The following NXPH2 variants were observed in gnomAD, a reference collection of about 807,000 sequenced individuals.
The protein encoded by NXPH2 is neurexophilin-2.
NXPH2 carries 5 observed loss-of-function variants against 19.8 expected under a neutral mutation model. That is an observed-to-expected ratio of 0.25 (90% CI 0.13 to 0.53). The LOEUF is 0.53. Among genes scored for constraint, NXPH2 ranks in the 20% least tolerant of loss-of-function variants. The probability of loss-of-function intolerance (pLI) is 0.96; values close to 1 mark genes in which losing one functional copy is unlikely to be tolerated. For synonymous variants in NXPH2, 154 were observed against 127.4 expected (o/e 1.21, Z -1.41); for missense variants, 289 against 322.8 (o/e 0.90, Z 0.80).
At chr2:138,704,436 G>A (rs1357441379) in intron 1 of NXPH2, among the ~76,000 whole-genome samples, 1 of 152,158 alleles carries the variant, frequency 6.6e-6, no homozygotes, top group Non-Finnish European at 1.5e-5. Flanking sequence ...GTTGATATTA[G>A]AACATTATTT....
chr2:138,771,493 A>C (rs1053543064), intron 1 of NXPH2, among the ~76,000 whole-genome samples: 1 of 152,118 alleles, frequency 6.6e-6, no homozygotes, highest in Non-Finnish European at 1.5e-5. Context: ...AAAAAAAATT[A>C]AACAGAAATC....
At chr2:138,702,715 A>C (rs1467772079) in intron 1 of NXPH2, among the ~76,000 whole-genome samples, 1 of 152,166 alleles carries the variant, frequency 6.6e-6, no homozygotes, top group Non-Finnish European at 1.5e-5. Flanking sequence ...ATACAGTACA[A>C]AATGTTGCTG....
chr2:138,716,631 G>A (rs1416012698), intron 1 of NXPH2, among the ~76,000 whole-genome samples: 5 of 152,202 alleles, frequency 3.3e-5, no homozygotes, highest in East Asian at 1.9e-4. Flanking sequence ...ACAGGTATTC[G>A]GTCCTTTTCT....
chr2:138,739,325 C>T (rs1681608286), intron 1 of NXPH2, among the ~76,000 whole-genome samples: 1 of 152,298 alleles, frequency 6.6e-6, no homozygotes, highest in Admixed American at 6.5e-5. Flanking sequence ...CATATATAAA[C>T]AACCACAGGA....
At chr2:138,739,342 A>C (rs933809516) in intron 1 of NXPH2, among the ~76,000 whole-genome samples, 1 of 152,198 alleles carries the variant, frequency 6.6e-6, no homozygotes. Context: ...AGGATTTAAA[A>C]CCAAAATTAT....
At chr2:138,685,537 C>T (rs1237971606) in intron 1 of NXPH2, among the ~76,000 whole-genome samples, 1 of 152,168 alleles carries the variant, frequency 6.6e-6, no homozygotes, top group Non-Finnish European at 1.5e-5. Flanking sequence ...GCATTTAATA[C>T]GCTTAACCTA....
chr2:138,670,437 G>A lies in NXPH2; in HGVS notation c.*485C>T, dbSNP rs1680396176. On this transcript the variant is annotated 3_prime_UTR_variant, in exon 2 of 2. Transcript: ENST00000272641. ...TATCAATAACAGCACAGATGGATGG[G>A]GGAAAAGATAGAAATATAAAAAAAA... Among the ~76,000 whole-genome samples the A allele has an allele frequency of 6.6e-6, 1 of 151,970 alleles. No homozygotes were observed. Among genetic ancestry groups the A allele is most frequent in the African/African-American group, 2.4e-5 (1 of 41,346 alleles).
At position 138,780,194 on chromosome 2, in the gene NXPH2, C is replaced by G; in HGVS notation, c.48G>C (p.Gln16His). Reference protein sequence around the residue: ...LPLVVVPGLLQLLFCDSKEVV... With the variant: ...LPLVVVPGLLHLLFCDSKEVV... The stretch of plus-strand genomic sequence containing the variant: ...GGCGCGCGGGCCGGGCACTCACCAG[C>G]TGCAGCAAGCCAGGGACCACCACGA... The change falls in exon 1 of 2, where the codon CAG (glutamine) becomes CAC (histidine). Residue 16 changes from glutamine (Q) to histidine (H), a missense_variant. Coordinates refer to ENST00000272641, the MANE Select transcript of NXPH2 (RefSeq NM_007226.3). 2.0e-6 allele frequency: 3 copies of G among 1,490,984 alleles called. No homozygotes were observed. Among genetic ancestry groups the G allele is most frequent in the Non-Finnish European group, 2.7e-6 (3 of 1,128,814 alleles). The allele number at this position is 1,490,984 out of a possible 1,614,324, so 92.4% of individuals were successfully genotyped here.
rs754687148 is a variant in NXPH2 at position 138,671,126 on chromosome 2, C to T, written c.591G>A (p.Ala197=). 4 of 1,613,916 alleles carry T rather than the reference C, an allele frequency of 2.5e-6. No individual in the cohort carries two copies. Among genetic ancestry groups the T allele is most frequent in the South Asian group, 1.1e-5 (1 of 91,072 alleles). ...CRIEYEKTDR[A]KKTALCNFDP... is the part of the protein sequence containing the mutation. The stretch of plus-strand genomic sequence containing the variant: ...CAAAGTTGCACAGGGCGGTCTTTTT[C>T]GCCCGATCTGTTTTTTCATACTCAA... Residue 197 remains alanine, a synonymous_variant, in exon 2 of 2, where the codon GCG becomes GCA. Coordinates refer to ENST00000272641, the MANE Select transcript of NXPH2 (RefSeq NM_007226.3).
At chr2:138,684,598 A>G (rs1680621199) in intron 1 of NXPH2, among the ~76,000 whole-genome samples, 1 of 152,208 alleles carries the variant, frequency 6.6e-6, no homozygotes, top group African/African-American at 2.4e-5. Flanking sequence ...AATCACTACA[A>G]GTAAAATCTA....
intron 1 of NXPH2, among the ~76,000 whole-genome samples, chr2:138,753,446 G>A (rs994645110): frequency 2.6e-5 from 4 of 152,074 alleles, no homozygotes; most frequent in Non-Finnish European, 5.9e-5. Flanking sequence ...ATTTCTCCAA[G>A]AAGCCTTAAT....
rs1178396766 is a variant in NXPH2, at chr2:138,670,887, C to A, written c.*35G>T. ...GTTTCTTTGTCATTCTAATCAAATA[C>A]ATATGTATCCCTCATTTCCACCACA... On this transcript the variant is annotated 3_prime_UTR_variant, in exon 2 of 2. Transcript: ENST00000272641. 1 of 1,584,024 alleles carries A rather than the reference C, an allele frequency of 6.3e-7. No individual in the cohort carries two copies. Among genetic ancestry groups the A allele is most frequent in the African/African-American group, 1.3e-5 (1 of 74,226 alleles).
chr2:138,740,601 T>C (rs1337100326), intron 1 of NXPH2, among the ~76,000 whole-genome samples: 1 of 152,198 alleles, frequency 6.6e-6, no homozygotes, highest in Non-Finnish European at 1.5e-5. Flanking sequence ...TAAACAGAGT[T>C]ATAATTATAT....
chr2:138,740,871 C>T (rs1325016365), intron 1 of NXPH2, among the ~76,000 whole-genome samples: 9 of 148,984 alleles, frequency 6.0e-5, no homozygotes, highest in Non-Finnish European at 1.3e-4. Flanking sequence ...AACTCTGCCA[C>T]AGAAATATGG....
At chr2:138,734,748 A>G (rs1310681593) in intron 1 of NXPH2, among the ~76,000 whole-genome samples, 1 of 152,204 alleles carries the variant, frequency 6.6e-6, no homozygotes, top group Non-Finnish European at 1.5e-5. Flanking sequence ...TGAAACCAGA[A>G]TGATTCCCAA....
chr2:138,716,704 T>C (rs750682346), intron 1 of NXPH2, among the ~76,000 whole-genome samples: 3 of 152,206 alleles, frequency 2.0e-5, no homozygotes, highest in African/African-American at 7.2e-5. Context: ...TTGACTGATG[T>C]AGCTATTGTT....
intron 1 of NXPH2, among the ~76,000 whole-genome samples, chr2:138,677,879 C>T (rs541062540): frequency 1.3e-5 from 2 of 152,056 alleles, no homozygotes; most frequent in South Asian, 2.1e-4. Context: ...TCCCATAGAC[C>T]CTGCACCCAG....
intron 1 of NXPH2, among the ~76,000 whole-genome samples, chr2:138,761,609 A>C (rs1682019524): frequency 6.6e-6 from 1 of 152,212 alleles, no homozygotes; most frequent in Non-Finnish European, 1.5e-5. Context: ...TTCCTGTGCC[A>C]CTTGAAGCTA....
chr2:138,709,958 G>A (rs923974406), intron 1 of NXPH2, among the ~76,000 whole-genome samples: 8 of 152,056 alleles, frequency 5.3e-5, no homozygotes, highest in African/African-American at 1.7e-4. Context: ...CCTCTTTTAT[G>A]TGTACAATTC....
Sources: gnomAD v4.1 joint callset for allele counts (sites outside exome capture counted in the v4.1 genomes callset) on GRCh38, gnomAD v4.1.1 for gene constraint, MANE v1.5 for transcripts, NCBI Gene and HGNC (gene_info 2026-07-23, HGNC 2026-07-21) for gene names.